Variants in TMEM131 observed in about 807,000 individuals in gnomAD.
The protein encoded by TMEM131 is transmembrane protein 131.
TMEM131 carries 66 observed loss-of-function variants against 211.6 expected under a neutral mutation model. That is an observed-to-expected ratio of 0.31 (90% CI 0.26 to 0.38). The LOEUF is 0.38. Ranked by LOEUF, TMEM131 falls within the 10% of genes least tolerant of loss-of-function variation. TMEM131 has a pLI of 1.00. For missense variants in TMEM131, 2,036 were observed against 2,299.3 expected (o/e 0.89, Z 2.34); for synonymous variants, 844 against 841.3 (o/e 1.00, Z -0.06).
rs540820078 is a variant in TMEM131, at chr2:97,866,583, GT to G, written c.360-7157del. ...TTTGCTTTAGTTGGCTCTTTTGCTA[GT>G]TTTTTTAGGGAGAAGGTTAAGTTTC... is the stretch of plus-strand genomic sequence containing the variant. On this transcript the variant is annotated intron_variant, in intron 4 of 40. Coordinates refer to ENST00000186436, the MANE Select transcript of TMEM131 (RefSeq NM_015348.2). Among the ~76,000 whole-genome samples the G allele has an allele frequency of 5.4e-3, 828 of 152,150 alleles. 5 individuals carry two copies. Among genetic ancestry groups the G allele is most frequent in the African/African-American group, 0.019 (774 of 41,532 alleles).
At chr2:97,806,539 T>TCAAA (rs753846713) in intron 19 of TMEM131, among the ~76,000 whole-genome samples, 4 of 152,144 alleles carry the variant, frequency 2.6e-5, no homozygotes, top group South Asian at 2.1e-4. Context: ...AGACTCCATC[T>TCAAA]CAAACAAACA....
intron 5 of TMEM131, among the ~76,000 whole-genome samples, chr2:97,858,657 A>C (rs1673940941): frequency 6.6e-6 from 1 of 152,194 alleles, no homozygotes; most frequent in East Asian, 1.9e-4. Flanking sequence ...AGAGAGGTAC[A>C]AAGTGCCAGG....
intron 11 of TMEM131, among the ~76,000 whole-genome samples, chr2:97,828,774 C>T (rs1367866057): frequency 6.6e-5 from 10 of 152,312 alleles, no homozygotes; most frequent in Admixed American, 3.9e-4. Context: ...AATCAGACAA[C>T]GCCTTTCAAA....
chr2:97,808,948 T>C (rs1573392552), intron 19 of TMEM131, among the ~76,000 whole-genome samples: 1 of 152,018 alleles, frequency 6.6e-6, no homozygotes, highest in East Asian at 1.9e-4. Context: ...GGCTTGGAGG[T>C]ATGAAGGGAC....
rs775609984 is a variant in TMEM131 at position 97,814,399 on chromosome 2, AAAC to A, written c.1293-14_1293-12del. 1.9e-4 allele frequency: 295 copies of A among 1,576,642 alleles called. No homozygotes were observed. The highest frequency in any genetic ancestry group is 1.2e-3 in the Middle Eastern group (7 of 5,938). ...TCAAATCCCAAATAACTATTAAAAAAAACAACAAGAACAAAATAAATCATTTTT... is the reference window on the plus strand; with the variant it reads ...TCAAATCCCAAATAACTATTAAAAAAAACAAGAACAAAATAAATCATTTTT... On this transcript the variant is annotated splice_polypyrimidine_tract_variant and intron_variant, in intron 13 of 40. Transcript: ENST00000186436.
intron 1 of TMEM131, 30 bp downstream of exon 1, chr2:97,995,446 G>A (rs1463191221): frequency 2.2e-6 from 3 of 1,345,176 alleles, no homozygotes; most frequent in African/African-American, 1.5e-5. Context: ...TGACAGCCCC[G>A]CCGCAGGGAC....
intron 5 of TMEM131, among the ~76,000 whole-genome samples, chr2:97,846,909 G>A (rs1683466099): frequency 6.6e-6 from 1 of 152,106 alleles, no homozygotes; most frequent in African/African-American, 2.4e-5. Context: ...GGGCCGGCGC[G>A]GTGGCTCACG....
intron 17 of TMEM131, among the ~76,000 whole-genome samples, chr2:97,811,510 T>C (rs1249565841): frequency 2.0e-5 from 3 of 152,202 alleles, no homozygotes; most frequent in African/African-American, 7.2e-5. Flanking sequence ...TCTTTACCCA[T>C]GGACCTGTAT....
chr2:97,879,093 G>A (rs1305350950), intron 4 of TMEM131, among the ~76,000 whole-genome samples: 3 of 152,216 alleles, frequency 2.0e-5, no homozygotes, highest in African/African-American at 4.8e-5. Flanking sequence ...CCTGGAAGCA[G>A]AGAGAAGGCA....
At chr2:97,887,980 G>C (rs1675229150) in intron 4 of TMEM131, 72 bp downstream of exon 4, 5 of 1,237,158 alleles carry the variant, frequency 4.0e-6, no homozygotes, top group Non-Finnish European at 5.8e-6. Flanking sequence ...ACAGGCAAAA[G>C]ACAAGACAAA....
intron 35 of TMEM131, chr2:97,763,607 C>T (rs1213885129): frequency 6.6e-6 from 1 of 152,490 alleles, no homozygotes; most frequent in Non-Finnish European, 1.5e-5. Flanking sequence ...ACACTGTCGG[C>T]TTGCTATTTG....
At chr2:97,955,233 G>A (rs1012519505) in intron 1 of TMEM131, among the ~76,000 whole-genome samples, 1 of 152,010 alleles carries the variant, frequency 6.6e-6, no homozygotes, top group Admixed American at 6.5e-5. Context: ...ATATGATCAT[G>A]TCAATTGATG....
chr2:97,951,978 G>A (rs929586629), intron 1 of TMEM131, among the ~76,000 whole-genome samples: 2 of 152,048 alleles, frequency 1.3e-5, no homozygotes, highest in Non-Finnish European at 2.9e-5. Context: ...CCAACATGGT[G>A]AAACCCCATC....
chr2:97,759,096 C>T, intron 39 of TMEM131, 43 bp from the exon 40 acceptor site: 3 of 1,612,594 alleles, frequency 1.9e-6, no homozygotes, highest in Non-Finnish European at 2.5e-6. Context: ...TTTGGTTTTG[C>T]CATGATCACT....
chr2:97,818,845 A>G (rs1681976134), intron 11 of TMEM131, 124 bp from the exon 12 acceptor site: 1 of 611,930 alleles, frequency 1.6e-6, no homozygotes, highest in Non-Finnish European at 2.8e-6. Flanking sequence ...AGTTTAACTT[A>G]TGTTGTCCCT....
chr2:97,882,999 G>A (rs1313640745), intron 4 of TMEM131, among the ~76,000 whole-genome samples: 10 of 152,076 alleles, frequency 6.6e-5, no homozygotes, highest in East Asian at 1.9e-4. Context: ...TCGGGGTGTC[G>A]GCATGGTTGG....
chr2:97,874,467 C>A (rs1453910917), intron 4 of TMEM131, among the ~76,000 whole-genome samples: 1 of 152,152 alleles, frequency 6.6e-6, no homozygotes, highest in Non-Finnish European at 1.5e-5. Context: ...TTAAGCGCAG[C>A]CAGAGAGAAA....
chr2:97,810,037 A>G (rs1387280752), intron 18 of TMEM131, among the ~76,000 whole-genome samples: 6 of 152,238 alleles, frequency 3.9e-5, no homozygotes, highest in Non-Finnish European at 1.5e-5. Context: ...CGGGGAAGCA[A>G]TGAAGACAGA....
intron 1 of TMEM131, among the ~76,000 whole-genome samples, chr2:97,931,868 G>T (rs1056141284): frequency 6.6e-6 from 1 of 152,152 alleles, no homozygotes; most frequent in Non-Finnish European, 1.5e-5. Context: ...TCAAGTCTCA[G>T]CCTTGACCCC....
Sources: allele counts gnomAD v4.1 joint callset (sites outside exome capture counted in the v4.1 genomes callset), GRCh38; gene constraint gnomAD v4.1.1; transcripts MANE v1.5; gene names NCBI Gene and HGNC (gene_info 2026-07-23, HGNC 2026-07-21).